RAP1GDS1: variants seen among roughly 807,000 people sequenced by gnomAD.
The protein encoded by RAP1GDS1 is Rap1 GTPase-GDP dissociation stimulator 1.
RAP1GDS1 carries 35 observed loss-of-function variants against 71.1 expected under a neutral mutation model. That is an observed-to-expected ratio of 0.49 (90% CI 0.38 to 0.65). The LOEUF is 0.65. Among genes scored for constraint, RAP1GDS1 ranks in the 30% least tolerant of loss-of-function variants. The pLI, the probability that RAP1GDS1 is intolerant of heterozygous loss-of-function variation, is 0.00. For synonymous variants in RAP1GDS1, 229 were observed against 243.1 expected, an observed-to-expected ratio of 0.94 and a Z score of 0.54; for missense variants, 663 against 706.1, an observed-to-expected ratio of 0.94 and a Z score of 0.69.
intron 1 of RAP1GDS1, among the ~76,000 whole-genome samples, chr4:98,291,877 G>A (rs1726991473): frequency 6.6e-6 from 1 of 152,094 alleles, no homozygotes; most frequent in Non-Finnish European, 1.5e-5. Flanking sequence ...CTTTCATATT[G>A]TTTCGGCTTA....
rs1215450342 is a variant in RAP1GDS1, at chr4:98,437,022, A to G, written c.1650A>G (p.Glu550=). Residue 550 remains glutamate (E), a synonymous_variant, in exon 14 of 15, where the codon GAA becomes GAG. Transcript: ENST00000408927. Reference sequence around the variant, plus strand: ...TAGCAGATGAGAGAAGTGCTCCTGAAATCAAATATAATTCCATGGTCCTGA... The same window carrying G: ...TAGCAGATGAGAGAAGTGCTCCTGAGATCAAATATAATTCCATGGTCCTGA... The part of the protein sequence containing the change: ...RLLADERSAP[E]IKYNSMVLIC... 1 of 1,612,586 alleles carries G rather than the reference A, an allele frequency of 6.2e-7. No individual in the cohort carries two copies.
intron 2 of RAP1GDS1, among the ~76,000 whole-genome samples, chr4:98,315,333 C>T (rs533381869): frequency 1.9e-4 from 29 of 152,160 alleles, no homozygotes; most frequent in African/African-American, 7.0e-4. Context: ...AGTAGCGACT[C>T]AGTAAAAATA....
intron 2 of RAP1GDS1, among the ~76,000 whole-genome samples, chr4:98,312,847 A>ATC (rs1050282090): frequency 2.6e-5 from 4 of 151,668 alleles, no homozygotes; most frequent in African/African-American, 9.7e-5. Flanking sequence ...AGGCGGGTGG[A>ATC]TCGCAAGGTC....
At chr4:98,359,162 G>T (rs973996369) in intron 4 of RAP1GDS1, among the ~76,000 whole-genome samples, 4 of 151,818 alleles carry the variant, frequency 2.6e-5, no homozygotes, top group African/African-American at 9.7e-5. Flanking sequence ...GACTTTTATG[G>T]AAAAAAATCA....
intron 1 of RAP1GDS1, among the ~76,000 whole-genome samples, chr4:98,279,370 T>C (rs1290239977): frequency 6.6e-6 from 1 of 151,898 alleles, no homozygotes; most frequent in African/African-American, 2.4e-5. Flanking sequence ...ATAAATGATA[T>C]ATAATTTTAA....
chr4:98,351,970 T>C (rs543189209), intron 3 of RAP1GDS1, among the ~76,000 whole-genome samples: 2 of 151,282 alleles, frequency 1.3e-5, no homozygotes, highest in African/African-American at 2.4e-5. Flanking sequence ...TATTTTTTAA[T>C]GGTTCACTGA....
intron 1 of RAP1GDS1, among the ~76,000 whole-genome samples, chr4:98,262,354 C>T (rs1017362741): frequency 6.6e-6 from 1 of 152,236 alleles, no homozygotes; most frequent in South Asian, 2.1e-4. Context: ...CCTGTCTAAT[C>T]TGCATAATCT....
intron 12 of RAP1GDS1, among the ~76,000 whole-genome samples, chr4:98,429,602 T>G (rs1296791671): frequency 2.6e-5 from 4 of 152,168 alleles, no homozygotes; most frequent in Non-Finnish European, 5.9e-5. Context: ...ACTAAAGAAC[T>G]TACTTATGTA....
At position 98,278,874 on chromosome 4, in the gene RAP1GDS1, A is replaced by G. The variant is rs190116222; in HGVS notation, c.5-14534A>G. Among the ~76,000 whole-genome samples, 17 of 152,308 alleles carry G rather than the reference A, an allele frequency of 1.1e-4. No homozygotes were observed. The East Asian group carries it at 1.5e-3, about 14-fold the overall frequency. Reference sequence around the variant, plus strand: ...CTTATTTTTGGCCTTGCAGCATTAAATAAATTTTCTAGGAAAAATGGCATT... The same window carrying G: ...CTTATTTTTGGCCTTGCAGCATTAAGTAAATTTTCTAGGAAAAATGGCATT... On this transcript the variant is annotated intron_variant, in intron 1 of 14. Transcript: ENST00000408927.
At chr4:98,348,383 T>G (rs1440781708) in intron 3 of RAP1GDS1, among the ~76,000 whole-genome samples, 1 of 152,214 alleles carries the variant, frequency 6.6e-6, no homozygotes, top group Non-Finnish European at 1.5e-5. Flanking sequence ...GCATTTGGGT[T>G]GGTTCCAAGT....
rs773915454 is a variant in RAP1GDS1 at position 98,314,173 on chromosome 4, A to G, written c.112+20658A>G. On this transcript the variant is annotated intron_variant, in intron 2 of 14. Transcript: ENST00000408927. ...TGTGTGCATGTGGGAGGGATAATAT[A>G]AAGGCAAGGTAATTTTCTGCAGTGA... Among the ~76,000 whole-genome samples, 45 of 152,312 alleles carry G rather than the reference A, an allele frequency of 3.0e-4. 1 individual carries two copies. The highest frequency in any genetic ancestry group is 3.1e-4 in the Non-Finnish European group (21 of 68,022).
At chr4:98,292,076 AC>A (rs1227071193) in intron 1 of RAP1GDS1, among the ~76,000 whole-genome samples, 1 of 152,116 alleles carries the variant, frequency 6.6e-6, no homozygotes, top group South Asian at 2.1e-4. Context: ...AGAAGAAGAT[AC>A]GAGAGTCCAG....
intron 2 of RAP1GDS1, among the ~76,000 whole-genome samples, chr4:98,329,869 T>C (rs1366644054): frequency 1.3e-5 from 2 of 151,720 alleles, no homozygotes; most frequent in African/African-American, 4.9e-5. Context: ...TTTATTCCAG[T>C]ATTTATTGTG....
chr4:98,432,941 C>T (rs369555635), intron 12 of RAP1GDS1, among the ~76,000 whole-genome samples: 1 of 150,982 alleles, frequency 6.6e-6, no homozygotes, highest in East Asian at 1.9e-4. Context: ...TATATGTTTT[C>T]TGTGTAATAA....
chr4:98,404,684 T>C, intron 7 of RAP1GDS1, 82 bp downstream of exon 7: 2 of 1,479,930 alleles, frequency 1.4e-6, no homozygotes, highest in African/African-American at 1.4e-5. Context: ...TTGCCAGCCA[T>C]TTGACTCAAA....
intron 2 of RAP1GDS1, among the ~76,000 whole-genome samples, chr4:98,334,600 GT>G (rs1481159698): frequency 3.3e-5 from 5 of 152,044 alleles, no homozygotes; most frequent in African/African-American, 1.2e-4. Flanking sequence ...ACTTTATATT[GT>G]TTCTTTGAGC....
At chr4:98,391,550 C>G (rs549030374) in intron 5 of RAP1GDS1, among the ~76,000 whole-genome samples, 1 of 152,018 alleles carries the variant, frequency 6.6e-6, no homozygotes, top group African/African-American at 2.4e-5. Flanking sequence ...ATTAAACTTG[C>G]TACTTTTCTC....
At chr4:98,325,535 G>A (rs1418824845) in intron 2 of RAP1GDS1, among the ~76,000 whole-genome samples, 84 of 150,294 alleles carry the variant, frequency 5.6e-4, no homozygotes, top group African/African-American at 1.6e-3. Flanking sequence ...ATGTCCAACA[G>A]TGATAGACTG....
chr4:98,328,235 C>A (rs1030413193), intron 2 of RAP1GDS1, among the ~76,000 whole-genome samples: 6 of 152,100 alleles, frequency 3.9e-5, no homozygotes, highest in African/African-American at 1.4e-4. Flanking sequence ...ACAAAAAGAT[C>A]TCTTAGGTTT....
Sources: gnomAD v4.1 joint callset for allele counts (sites outside exome capture counted in the v4.1 genomes callset) on GRCh38, gnomAD v4.1.1 for gene constraint, MANE v1.5 for transcripts, NCBI Gene and HGNC (gene_info 2026-07-23, HGNC 2026-07-21) for gene names.